The following ENOX1 variants were observed in gnomAD, a reference collection of about 807,000 sequenced individuals.
ENOX1 encodes candidate growth-related and time keeping constitutive hydroquinone (NADH) oxidase.
ENOX1 carries 42 observed loss-of-function variants against 82.5 expected under a neutral mutation model. The observed-to-expected ratio is 0.51, with a 90% CI of 0.40 to 0.66. The LOEUF is 0.66. Ranked by LOEUF, ENOX1 falls within the 30% of genes least tolerant of loss-of-function variation. The pLI is 0.00. For missense variants in ENOX1, 608 were observed against 811.6 expected, an observed-to-expected ratio of 0.75 and a Z score of 3.05; for synonymous variants, 271 against 282.2, an observed-to-expected ratio of 0.96 and a Z score of 0.40.
At chr13:43,223,986 C>T in intron 16 of ENOX1, 67 bp downstream of exon 16, 1 of 1,187,368 alleles carries the variant, frequency 8.4e-7, no homozygotes, top group African/African-American at 1.5e-5. Flanking sequence ...ATGCAGAGTC[C>T]ACCTGCAGGC....
chr13:43,350,226 T>C (rs1566575573), intron 8 of ENOX1, among the ~76,000 whole-genome samples: 1 of 152,240 alleles, frequency 6.6e-6, no homozygotes, highest in Admixed American at 6.5e-5. Context: ...GGTCTCCTTA[T>C]TAATTAGTGA....
chr13:43,511,555 G>C (rs76959138), intron 2 of ENOX1, among the ~76,000 whole-genome samples: 2,216 of 152,182 alleles, frequency 0.015, 52 homozygotes, highest in African/African-American at 0.051. Context: ...CACCTCTCAA[G>C]CATGTATTCT....
In ENOX1 at chr13:43,786,222, G is replaced by A. The variant is rs1440496759; in HGVS notation, c.-285+430C>T. On this transcript the variant is annotated intron_variant, in intron 1 of 16. Transcript: ENST00000690772. This position sits in a 1 kb window ranked among gnomAD's most constrained non-coding sequence, Gnocchi z 6.0. ...GGTGAAAACCTGAAAGAAGAGGGCA[G>A]CGGGAACACTGTGTGGGCAGGAACG... Among the ~76,000 whole-genome samples, 3 of 152,288 alleles carry A rather than the reference G, an allele frequency of 2.0e-5. No homozygotes were observed. The highest frequency in any genetic ancestry group is 4.1e-4 in the South Asian group (2 of 4,824).
At chr13:43,589,192 A>G (rs1329300) in intron 2 of ENOX1, among the ~76,000 whole-genome samples, 1 of 140,106 alleles carries the variant, frequency 7.1e-6, no homozygotes, top group African/African-American at 2.7e-5. Context: ...CCAAACCAGG[A>G]ACCCAGAGCT....
chr13:43,573,737 C>T (rs2080288687), intron 2 of ENOX1, among the ~76,000 whole-genome samples: 2 of 152,054 alleles, frequency 1.3e-5, no homozygotes, highest in Admixed American at 1.3e-4. Context: ...AGATTCAAAC[C>T]CATAGTATAT....
chr13:43,660,715 G>C lies in ENOX1; in HGVS notation c.-219+6764C>G, dbSNP rs1476856932. On this transcript the variant is annotated intron_variant, in intron 2 of 16. Coordinates refer to ENST00000690772, the MANE Select transcript of ENOX1 (RefSeq NM_001347969.2). ...GAGTATTCAGAGAGAAAAATCACCA[G>C]GCAAGGAAGAATGGTAAAAGGCAAA... Among the ~76,000 whole-genome samples, 5 of 152,266 alleles carry C rather than the reference G, an allele frequency of 3.3e-5. No individual in the cohort carries two copies. The South Asian group carries it at 1.0e-3, about 32-fold the overall frequency.
At chr13:43,382,558 T>C (rs1452429690) in intron 5 of ENOX1, among the ~76,000 whole-genome samples, 1 of 152,152 alleles carries the variant, frequency 6.6e-6, no homozygotes, top group Admixed American at 6.6e-5. Flanking sequence ...CATAAAATTC[T>C]GGAAAATGCA....
At chr13:43,278,835 T>C (rs1303734890) in intron 12 of ENOX1, among the ~76,000 whole-genome samples, 1 of 152,226 alleles carries the variant, frequency 6.6e-6, no homozygotes, top group Non-Finnish European at 1.5e-5. Flanking sequence ...TATCACACTA[T>C]TTAATTTTCT....
chr13:43,324,837 T>C (rs2048017955), intron 10 of ENOX1, among the ~76,000 whole-genome samples: 1 of 152,260 alleles, frequency 6.6e-6, no homozygotes, highest in East Asian at 1.9e-4. Context: ...GGTGAGAAGT[T>C]GAGGCAGACA....
At chr13:43,502,543 G>C (rs2077016513) in intron 2 of ENOX1, among the ~76,000 whole-genome samples, 1 of 151,654 alleles carries the variant, frequency 6.6e-6, no homozygotes, top group African/African-American at 2.4e-5. Flanking sequence ...GGGATGCAAG[G>C]ATGGCTCAAC....
In ENOX1 at chr13:43,499,404, T is replaced by C. The variant is rs553952778; in HGVS notation, c.-218-15252A>G. On this transcript the variant is annotated intron_variant, in intron 2 of 16. Transcript: ENST00000690772. ...ATTTGGAAACATCTTTGGTAACAGC[T>C]ATAACCACTACTTCCAAAAAAGACA... 3.9e-5 allele frequency among the ~76,000 whole-genome samples: 6 copies of C among 152,226 alleles called. No homozygotes were observed. The South Asian group carries it at 1.2e-3, about 32-fold the overall frequency.
intron 2 of ENOX1, among the ~76,000 whole-genome samples, chr13:43,491,078 G>A (rs986251860): frequency 6.6e-5 from 10 of 152,172 alleles, no homozygotes; most frequent in Non-Finnish European, 1.5e-4. Flanking sequence ...CATGGCGCTG[G>A]TGTCTGCTTC....
intron 16 of ENOX1, among the ~76,000 whole-genome samples, chr13:43,221,653 C>T (rs369176506): frequency 3.3e-5 from 5 of 152,184 alleles, no homozygotes; most frequent in African/African-American, 1.2e-4. Context: ...CAAATATCAA[C>T]AGCAGGAATA....
chr13:43,617,031 G>A (rs1464193388), intron 2 of ENOX1, among the ~76,000 whole-genome samples: 4 of 152,108 alleles, frequency 2.6e-5, no homozygotes, highest in Admixed American at 2.6e-4. Flanking sequence ...TTAACAGTGT[G>A]GTTTTGAGAG....
chr13:43,365,091 G>C lies in ENOX1; in HGVS notation c.209-3639C>G, dbSNP rs12585369. Among the ~76,000 whole-genome samples the C allele has an allele frequency of 7.2e-5, 11 of 152,094 alleles. No individual in the cohort carries two copies. In the East Asian group the frequency reaches 2.1e-3, roughly 29 times the overall value. On this transcript the variant is annotated intron_variant, in intron 5 of 16. Coordinates refer to ENST00000690772, the MANE Select transcript of ENOX1 (RefSeq NM_001347969.2). ...ATGCACCCTGCCAGGCCAGGGCTCC[G>C]GTGCCTGGGCCGCCCTTCCTCACTT...
At chr13:43,630,604 C>T (rs2083163143) in intron 2 of ENOX1, among the ~76,000 whole-genome samples, 1 of 151,326 alleles carries the variant, frequency 6.6e-6, no homozygotes, top group Admixed American at 6.6e-5. Flanking sequence ...CCTTGTGAGC[C>T]TCAATGTAGA....
chr13:43,477,339 C>T (rs933608510), intron 3 of ENOX1, among the ~76,000 whole-genome samples: 5 of 152,002 alleles, frequency 3.3e-5, no homozygotes, highest in Non-Finnish European at 7.4e-5. Flanking sequence ...TGAATACATA[C>T]GCTTTGCTCT....
intron 1 of ENOX1, among the ~76,000 whole-genome samples, chr13:43,707,487 G>C (rs908630178): frequency 6.6e-6 from 1 of 152,132 alleles, no homozygotes; most frequent in Non-Finnish European, 1.5e-5. Flanking sequence ...TGTAATCCCA[G>C]CACTTTGGGA....
intron 1 of ENOX1, among the ~76,000 whole-genome samples, chr13:43,694,874 T>C (rs1444711394): frequency 6.6e-6 from 1 of 152,202 alleles, no homozygotes; most frequent in Non-Finnish European, 1.5e-5. Context: ...TTGAAAGAGC[T>C]TAACTAAAAT....
Sources: gnomAD v4.1 joint callset for allele counts (sites outside exome capture counted in the v4.1 genomes callset) on GRCh38, gnomAD v4.1.1 for gene constraint, Gnocchi (gnomAD v3.1) non-coding constraint, MANE v1.5 for transcripts, NCBI Gene and HGNC (gene_info 2026-07-23, HGNC 2026-07-21) for gene names.